The following KCNN3 variants were observed in gnomAD, a reference collection of about 807,000 sequenced individuals.
KCNN3 encodes small conductance calcium-activated potassium channel protein 3.
KCNN3 carries 16 observed loss-of-function variants against 62.9 expected under a neutral mutation model. The ratio of observed to expected loss-of-function variants is 0.25; its 90% CI spans 0.17 to 0.39. The LOEUF is 0.39. Among genes scored for constraint, KCNN3 ranks in the 10% least tolerant of loss-of-function variants. The pLI is 1.00. For synonymous variants in KCNN3, 370 were observed against 389.2 expected (o/e 0.95, Z 0.58); for missense variants, 599 against 949.4 (o/e 0.63, Z 4.85).
rs147094568 is a variant in KCNN3 at position 154,864,122 on chromosome 1, G to A, written c.933+4910C>T. On this transcript the variant is annotated intron_variant, in intron 1 of 7. Coordinates refer to ENST00000271915, the MANE Select transcript of KCNN3 (RefSeq NM_002249.6). ...ACAAAATGTGTGCCTAGGGCCCTCG[G>A]CAGTGGGCTCGCAGGCTCTCAGCCA... Among the ~76,000 whole-genome samples, 76 of 152,320 alleles carry A rather than the reference G, an allele frequency of 5.0e-4. 1 individual carries two copies. The highest frequency in any genetic ancestry group is 1.8e-3 in the African/African-American group (74 of 41,562).
intron 2 of KCNN3, among the ~76,000 whole-genome samples, chr1:154,780,237 G>A (rs747267886): frequency 5.1e-4 from 60 of 117,586 alleles, no homozygotes; most frequent in African/African-American, 1.8e-3. Context: ...GTTTAGAGTC[G>A]ATTCATTGGA....
At chr1:154,716,778 G>T (rs1700240412) in intron 5 of KCNN3, among the ~76,000 whole-genome samples, 1 of 152,212 alleles carries the variant, frequency 6.6e-6, no homozygotes, top group South Asian at 2.1e-4. Flanking sequence ...GGATGTCCAG[G>T]AGAGGACACT....
intron 7 of KCNN3, among the ~76,000 whole-genome samples, chr1:154,712,329 G>A (rs145820776): frequency 2.6e-5 from 4 of 152,008 alleles, no homozygotes; most frequent in Non-Finnish European, 4.4e-5. Context: ...GCATGCCCAC[G>A]TTCCACTCCC....
In KCNN3 at chr1:154,835,246, T is replaced by C. The variant is rs1047027991; in HGVS notation, c.934-13062A>G. On this transcript the variant is annotated intron_variant, in intron 1 of 7. Coordinates refer to ENST00000271915, the MANE Select transcript of KCNN3 (RefSeq NM_002249.6). ...ATACATTCGGGTTTACCCAGGAGAG[T>C]CCAGTGTATGCCTGTTATCTGGCAT... 2.0e-5 allele frequency among the ~76,000 whole-genome samples: 3 copies of C among 151,990 alleles called. No individual in the cohort carries two copies. The East Asian group carries it at 5.8e-4, about 29-fold the overall frequency.
chr1:154,788,013 G>A (rs1210712774), intron 2 of KCNN3, among the ~76,000 whole-genome samples: 1 of 152,236 alleles, frequency 6.6e-6, no homozygotes, highest in African/African-American at 2.4e-5. Context: ...GGTCAGGAGG[G>A]AGGCAAGAGA....
chr1:154,860,951 GTT>G (rs761437574), intron 1 of KCNN3, among the ~76,000 whole-genome samples: 4 of 112,036 alleles, frequency 3.6e-5, no homozygotes, highest in Non-Finnish European at 5.2e-5. Context: ...TGCCACCCAA[GTT>G]TTTTTTTTTT....
chr1:154,869,179 T>A lies in KCNN3; in HGVS notation c.786A>T (p.Lys262Asn). 6.2e-7 allele frequency: 1 copy of A among 1,614,156 alleles called. No individual in the cohort carries two copies. Among genetic ancestry groups the A allele is most frequent in the Non-Finnish European group, 8.5e-7 (1 of 1,180,016 alleles). ...STTFPKANKRKNQNIGYKLGH... is the reference protein window; with the variant it reads ...STTFPKANKRNNQNIGYKLGH... ...CCAGCTTATAGCCAATGTTTTGGTT[T>A]TTCCGCTTGTTGGCTTTGGGGAAGG... The change falls in exon 1 of 8, where the codon AAA becomes AAT. Residue 262 changes from lysine to asparagine, a missense_variant. Lys to Asn is a moderately conservative substitution (Grantham distance 94). Around this residue, in one of 7 missense-constraint regions of KCNN3, gnomAD observed 80 missense variants for 85.4 expected, o/e 0.94. Transcript: ENST00000271915. The surrounding 1 kb of genome is among the most constrained non-coding windows in gnomAD (Gnocchi z 6.1).
At chr1:154,738,410 T>C (rs1700757379) in intron 3 of KCNN3, among the ~76,000 whole-genome samples, 1 of 152,180 alleles carries the variant, frequency 6.6e-6, no homozygotes, top group South Asian at 2.1e-4. Context: ...AAAGTATTAG[T>C]TCAGTCTGAG....
chr1:154,780,568 T>C (rs1330322277), intron 2 of KCNN3, among the ~76,000 whole-genome samples: 1 of 102,916 alleles, frequency 9.7e-6, no homozygotes, highest in Non-Finnish European at 2.0e-5. Flanking sequence ...TTTCTTAAGA[T>C]ATATTATTTA....
At chr1:154,747,739 T>C (rs1700971332) in intron 3 of KCNN3, among the ~76,000 whole-genome samples, 2 of 152,222 alleles carry the variant, frequency 1.3e-5, no homozygotes, top group African/African-American at 4.8e-5. Flanking sequence ...TGTTGGCTGA[T>C]AGAAGAGTCA....
At chr1:154,811,146 C>T (rs933341197) in intron 2 of KCNN3, among the ~76,000 whole-genome samples, 2 of 152,146 alleles carry the variant, frequency 1.3e-5, no homozygotes, top group Admixed American at 6.5e-5. Flanking sequence ...CTTCCCCAAT[C>T]GAAACTTGGA....
At position 154,707,934 on chromosome 1, in the gene KCNN3, C is replaced by T; in HGVS notation, c.*42G>A. The T allele has an allele frequency of 6.3e-7, 1 of 1,595,242 alleles. No homozygotes were observed. Among genetic ancestry groups the T allele is most frequent in the Non-Finnish European group, 8.6e-7 (1 of 1,167,956 alleles). ...CGACCAGGAGAGAGTTGATTTGCAT[C>T]TTAAGACCTATGGGTAATGCTTCTG... On this transcript the variant is annotated 3_prime_UTR_variant, in exon 8 of 8. Coordinates refer to ENST00000271915, the MANE Select transcript of KCNN3 (RefSeq NM_002249.6).
At chr1:154,858,364 C>A (rs747552350) in intron 1 of KCNN3, among the ~76,000 whole-genome samples, 11 of 152,206 alleles carry the variant, frequency 7.2e-5, no homozygotes, top group Non-Finnish European at 1.5e-4. Context: ...ACGTTGAATT[C>A]TTCACCTCTC....
intron 1 of KCNN3, among the ~76,000 whole-genome samples, chr1:154,843,518 G>A (rs902451934): frequency 2.0e-5 from 3 of 152,022 alleles, no homozygotes; most frequent in South Asian, 2.1e-4. Flanking sequence ...CTCCCACCTC[G>A]GCCTCCCAAA....
chr1:154,743,416 G>A (rs1415606322), intron 3 of KCNN3, among the ~76,000 whole-genome samples: 1 of 152,094 alleles, frequency 6.6e-6, no homozygotes, highest in Admixed American at 6.5e-5. Flanking sequence ...GTCCCCTGGG[G>A]CCCCCAACCT....
intron 2 of KCNN3, among the ~76,000 whole-genome samples, chr1:154,781,459 A>G (rs1328297011): frequency 3.9e-5 from 6 of 152,224 alleles, no homozygotes; most frequent in African/African-American, 1.4e-4. Context: ...TGTACGCCCA[A>G]CATGGGAAAC....
At chr1:154,853,330 C>T (rs4845675) in intron 1 of KCNN3, among the ~76,000 whole-genome samples, 109,318 of 151,940 alleles carry the variant, frequency 0.72, 40,569 homozygotes, top group East Asian at 0.99. Flanking sequence ...TTTTTGTTTT[C>T]TGTTTTTGTT....
intron 1 of KCNN3, among the ~76,000 whole-genome samples, chr1:154,834,388 G>A (rs941136331): frequency 3.3e-5 from 5 of 152,218 alleles, no homozygotes; most frequent in Non-Finnish European, 5.9e-5. Context: ...TGCCTATCAC[G>A]GGGCATGCAG....
intron 1 of KCNN3, among the ~76,000 whole-genome samples, chr1:154,844,553 C>T (rs1651968853): frequency 6.6e-6 from 1 of 152,234 alleles, no homozygotes; most frequent in Non-Finnish European, 1.5e-5. Context: ...GGAAGTCACT[C>T]CAGGTTCCTG....
Sources: gnomAD v4.1 joint callset for allele counts (sites outside exome capture counted in the v4.1 genomes callset) on GRCh38, gnomAD v4.1.1 for gene constraint, gnomAD v4.1.1 regional missense constraint, Gnocchi (gnomAD v3.1) non-coding constraint, MANE v1.5 for transcripts, NCBI Gene and HGNC (gene_info 2026-07-23, HGNC 2026-07-21) for gene names.